HERC5: variants seen among roughly 807,000 people sequenced by gnomAD.
HERC5 encodes E3 ISG15--protein ligase HERC5.
A neutral mutation model predicts 119.6 loss-of-function variants in HERC5; 99 were observed. The ratio of observed to expected loss-of-function variants is 0.83; its 90% CI spans 0.70 to 0.98. The LOEUF (loss-of-function observed/expected upper bound fraction) is 0.98. Ranked by LOEUF, HERC5 falls within the 50% of genes least tolerant of loss-of-function variation. The pLI, the probability that HERC5 is intolerant of heterozygous loss-of-function variation, is 0.00. For synonymous variants in HERC5, 478 were observed against 445.9 expected (o/e 1.07, Z -0.91); for missense variants, 1,267 against 1,241.3 (o/e 1.02, Z -0.31).
At chr4:88,487,046 A>T (rs1741487962) in intron 14 of HERC5, 23 bp from the exon 15 acceptor site, 2 of 1,512,598 alleles carry the variant, frequency 1.3e-6, no homozygotes, top group Admixed American at 1.7e-5. Context: ...ACTTATCAGA[A>T]TTATTGTCAT....
At chr4:88,489,866 G>A (rs1397819364) in intron 16 of HERC5, among the ~76,000 whole-genome samples, 11 of 151,992 alleles carry the variant, frequency 7.2e-5, no homozygotes, top group South Asian at 2.1e-4. Context: ...AAAATGAACC[G>A]TGTGTGGTGG....
At chr4:88,477,009 T>A (rs1480118047) in intron 12 of HERC5, among the ~76,000 whole-genome samples, 2 of 149,876 alleles carry the variant, frequency 1.3e-5, no homozygotes, top group Non-Finnish European at 3.0e-5. Context: ...TTATCCAATA[T>A]CTAGGTCATT....
At chr4:88,503,814 C>T (rs1021087733) in intron 20 of HERC5, among the ~76,000 whole-genome samples, 2 of 152,104 alleles carry the variant, frequency 1.3e-5, no homozygotes, top group Non-Finnish European at 2.9e-5. Flanking sequence ...CGTCTGTAAT[C>T]CCAGCACTTT....
At chr4:88,494,850 A>G (rs1018528561) in intron 18 of HERC5, among the ~76,000 whole-genome samples, 13 of 152,224 alleles carry the variant, frequency 8.5e-5, no homozygotes, top group Non-Finnish European at 1.6e-4. Context: ...AATGTCTTCA[A>G]TCTCACCAGT....
intron 18 of HERC5, among the ~76,000 whole-genome samples, chr4:88,496,551 ACTC>A (rs1056727479): frequency 4.6e-5 from 7 of 152,222 alleles, no homozygotes; most frequent in Non-Finnish European, 8.8e-5. Flanking sequence ...TAGCAGTACT[ACTC>A]AATAAATGGA....
chr4:88,475,778 A>G (rs565325742), intron 11 of HERC5, 63 bp from the exon 12 acceptor site: 3 of 1,323,344 alleles, frequency 2.3e-6, no homozygotes, highest in East Asian at 2.3e-5. Flanking sequence ...TTTTATTACC[A>G]TCAGTTGCAC....
At chr4:88,462,394 T>C in intron 4 of HERC5, 38 bp downstream of exon 4, 1 of 1,534,272 alleles carries the variant, frequency 6.5e-7, no homozygotes, top group Non-Finnish European at 9.0e-7. Context: ...TACCAACAGA[T>C]ATACTTGTTA....
intron 6 of HERC5, among the ~76,000 whole-genome samples, chr4:88,465,508 A>T (rs1308820315): frequency 6.6e-6 from 1 of 152,252 alleles, no homozygotes; most frequent in Non-Finnish European, 1.5e-5. Flanking sequence ...AGACCAAATT[A>T]TCGGAATATG....
At chr4:88,476,096 A>T in intron 12 of HERC5, 66 bp downstream of exon 12, 2 of 1,268,796 alleles carry the variant, frequency 1.6e-6, no homozygotes, top group Non-Finnish European at 2.2e-6. Context: ...TAGTAAAGTT[A>T]TGGCAAAACT....
chr4:88,479,643 A>G (rs1741207446), intron 13 of HERC5, 136 bp downstream of exon 13: 1 of 524,514 alleles, frequency 1.9e-6, no homozygotes, highest in Admixed American at 4.0e-5. Context: ...TTTTTTTTTA[A>G]AATTACATCA....
chr4:88,457,888 G>T (rs373819357), intron 1 of HERC5: 14 of 1,055,042 alleles, frequency 1.3e-5, no homozygotes, highest in Non-Finnish European at 1.6e-5. Flanking sequence ...CCACTGTCTC[G>T]TTTTGAGAAA....
intron 16 of HERC5, 28 bp downstream of exon 16, chr4:88,489,364 T>C: frequency 6.4e-7 from 1 of 1,561,654 alleles, no homozygotes; most frequent in Non-Finnish European, 8.7e-7. Context: ...CTTAATGTTT[T>C]TGCTGCTGAG....
intron 6 of HERC5, 42 bp downstream of exon 6, chr4:88,464,027 A>G: frequency 1.3e-6 from 2 of 1,539,746 alleles, no homozygotes; most frequent in Admixed American, 1.9e-5. Context: ...AAATGAGTGC[A>G]GCAAACTAGA....
rs1285265707 is a variant in HERC5, at chr4:88,503,054, T to TAAA, written c.2583-1178_2583-1177insAAA. ...TTTTCCTTAATGCATAGTGTTTTTC[T>TAAA]GTTTTCTATTTTATGAATACTTCCC... is the stretch of plus-strand genomic sequence containing the variant. On this transcript the variant is annotated intron_variant, in intron 20 of 22. Transcript: ENST00000264350. Among the ~76,000 whole-genome samples the TAAA allele has an allele frequency of 2.0e-5, 3 of 152,308 alleles. No homozygotes were observed. In the East Asian group the frequency reaches 5.8e-4, roughly 29 times the overall value.
At chr4:88,500,104 A>G (rs770247942) in intron 19 of HERC5, 112 bp downstream of exon 19, 1 of 681,922 alleles carries the variant, frequency 1.5e-6, no homozygotes, top group Non-Finnish European at 2.5e-6. Flanking sequence ...TAAATTAGTG[A>G]AAAAGGTATT....
chr4:88,493,762 T>C (rs1386422284), intron 17 of HERC5, among the ~76,000 whole-genome samples: 1 of 151,882 alleles, frequency 6.6e-6, no homozygotes, highest in Non-Finnish European at 1.5e-5. Context: ...TACAGGCTCC[T>C]GCCAACACAC....
At chr4:88,495,572 A>G (rs1436033201) in intron 18 of HERC5, among the ~76,000 whole-genome samples, 1 of 152,178 alleles carries the variant, frequency 6.6e-6, no homozygotes, top group Non-Finnish European at 1.5e-5. Flanking sequence ...TTAAAAAAAA[A>G]GAATAAGAAC....
Position 88,505,860 on chromosome 4 carries a change from C to G in HERC5, c.3057C>G (p.Asn1019Lys). 6.2e-7 allele frequency: 1 copy of G among 1,611,040 alleles called. No individual in the cohort carries two copies. The highest frequency in any genetic ancestry group is 1.7e-5 in the Admixed American group (1 of 59,842). ...VEEALQEAIN[N>K]NRGFG The stretch of plus-strand genomic sequence containing the variant: ...AAGCGCTTCAAGAAGCCATCAACAA[C>G]AACAGAGGATTTGGCTGACCAGCTT... The change falls in exon 23 of 23, where the codon AAC becomes AAG. Residue 1019 changes from asparagine to lysine, a missense_variant. Physicochemically the swap from Asn to Lys is moderately conservative, Grantham distance 94 (BLOSUM62 0). Coordinates refer to ENST00000264350, the MANE Select transcript of HERC5 (RefSeq NM_016323.4).
intron 9 of HERC5, among the ~76,000 whole-genome samples, 194 bp downstream of exon 9, chr4:88,469,454 A>G (rs1037777244): frequency 1.3e-5 from 2 of 151,964 alleles, no homozygotes; most frequent in African/African-American, 2.4e-5. Flanking sequence ...TATGGAGGGG[A>G]GAGAGAGAGA....
Sources: gnomAD v4.1 joint callset for allele counts (sites outside exome capture counted in the v4.1 genomes callset) on GRCh38, gnomAD v4.1.1 for gene constraint, MANE v1.5 for transcripts, NCBI Gene and HGNC (gene_info 2026-07-23, HGNC 2026-07-21) for gene names.